The following SFMBT2 variants were observed in gnomAD, a reference collection of about 807,000 sequenced individuals.
The protein encoded by SFMBT2 is Scm like with four mbt domains 2, also known as scm-like with four MBT domains protein 2.
SFMBT2 carries 38 observed loss-of-function variants against 110.1 expected under a neutral mutation model. The observed-to-expected ratio is 0.35, with a 90% CI of 0.27 to 0.45. SFMBT2 has a LOEUF of 0.45. SFMBT2 is among the 20% of genes least tolerant of loss of function. The probability of loss-of-function intolerance (pLI) is 1.00; values close to 1 mark genes in which losing one functional copy is unlikely to be tolerated. For missense variants in SFMBT2, 1,011 were observed against 1,094.9 expected (o/e 0.92, Z 1.08); for synonymous variants, 425 against 425.4 (o/e 1.00, Z 0.01).
intron 9 of SFMBT2, chr10:7,241,242 A>T: frequency 1.3e-6 from 1 of 758,780 alleles, no homozygotes; most frequent in Non-Finnish European, 1.6e-6. Context: ...CTTCTCCTAT[A>T]TAAATTACCC....
At chr10:7,330,518 C>T (rs1843532218) in intron 4 of SFMBT2, among the ~76,000 whole-genome samples, 1 of 152,168 alleles carries the variant, frequency 6.6e-6, no homozygotes, top group Non-Finnish European at 1.5e-5. Flanking sequence ...GCAACCTTAG[C>T]ACAGGATGGC....
chr10:7,201,616 CA>C (rs1838962151), intron 13 of SFMBT2, among the ~76,000 whole-genome samples: 3 of 152,172 alleles, frequency 2.0e-5, no homozygotes, highest in Admixed American at 2.0e-4. Flanking sequence ...TCGACTACCG[CA>C]AGTGAAAAAT....
chr10:7,230,622 C>T (rs1588364809), intron 9 of SFMBT2, among the ~76,000 whole-genome samples: 2 of 152,134 alleles, frequency 1.3e-5, no homozygotes, highest in South Asian at 4.1e-4. Flanking sequence ...CTTTCCTCAT[C>T]TACAAATTCA....
At chr10:7,217,463 T>A (rs559076419) in intron 11 of SFMBT2, among the ~76,000 whole-genome samples, 1 of 152,132 alleles carries the variant, frequency 6.6e-6, no homozygotes, top group Admixed American at 6.5e-5. Context: ...CAGGTCTCAT[T>A]TGAAGTGCAT....
intron 11 of SFMBT2, among the ~76,000 whole-genome samples, chr10:7,212,736 A>C (rs1234994782): frequency 6.6e-6 from 1 of 152,246 alleles, no homozygotes; most frequent in East Asian, 1.9e-4. Flanking sequence ...AAGTTCACAC[A>C]TCCAGGAAGC....
intron 16 of SFMBT2, among the ~76,000 whole-genome samples, chr10:7,183,092 C>G (rs977678688): frequency 6.6e-6 from 1 of 152,060 alleles, no homozygotes. Flanking sequence ...ATAGAAAACT[C>G]TCTGGCAATA....
intron 16 of SFMBT2, among the ~76,000 whole-genome samples, chr10:7,180,910 T>C (rs1294828696): frequency 6.6e-6 from 1 of 152,070 alleles, no homozygotes; most frequent in Non-Finnish European, 1.5e-5. Flanking sequence ...GGATGAACCC[T>C]GGCATGCTGG....
chr10:7,219,899 A>G (rs1418201570), intron 11 of SFMBT2: 1 of 159,874 alleles, frequency 6.3e-6, no homozygotes, highest in Non-Finnish European at 1.3e-5. Flanking sequence ...AATACGCTAT[A>G]GCTATAAAGG....
At chr10:7,326,713 G>C (rs568417222) in intron 4 of SFMBT2, among the ~76,000 whole-genome samples, 1 of 152,270 alleles carries the variant, frequency 6.6e-6, no homozygotes, top group African/African-American at 2.4e-5. Flanking sequence ...GTGCACCTCT[G>C]ATTAGCCTCC....
At chr10:7,248,128 A>C (rs1298963918) in intron 8 of SFMBT2, among the ~76,000 whole-genome samples, 1 of 151,522 alleles carries the variant, frequency 6.6e-6, no homozygotes, top group African/African-American at 2.4e-5. Context: ...TTTAGTCAAC[A>C]AGGGCAGATG....
rs757269501 is a variant in SFMBT2, at chr10:7,370,401, A to G, written c.101-26T>C. On this transcript the variant is annotated intron_variant, in intron 2 of 20. Coordinates refer to ENST00000397167, the MANE Select transcript of SFMBT2 (RefSeq NM_001387889.1). ...CTGTTGAAAAACAAAAGAACAGAAT[A>G]TCAATACTGGAGTGGAGGACAGAAA... is the stretch of plus-strand genomic sequence containing the variant. The G allele has an allele frequency of 7.6e-6, 12 of 1,586,522 alleles. 1 individual carries two copies. Among genetic ancestry groups the G allele is most frequent in the Middle Eastern group, 3.3e-4 (2 of 6,002 alleles).
chr10:7,335,227 C>T lies in SFMBT2; in HGVS notation c.436+32422G>A, dbSNP rs1015867339. On this transcript the variant is annotated intron_variant, in intron 4 of 20. Coordinates refer to ENST00000397167, the MANE Select transcript of SFMBT2 (RefSeq NM_001387889.1). ...ACTCCGGCCCATGGTGATGGCTGCA[C>T]GACAACGTGAATATAATTAATGCCA... Among the ~76,000 whole-genome samples the T allele has an allele frequency of 2.6e-5, 4 of 152,242 alleles. No individual in the cohort carries two copies. The South Asian group carries it at 6.2e-4, about 24-fold the overall frequency.
At chr10:7,227,671 A>ACCAG (rs1486794126) in intron 10 of SFMBT2, among the ~76,000 whole-genome samples, 184 bp downstream of exon 10, 1 of 152,242 alleles carries the variant, frequency 6.6e-6, no homozygotes, top group Non-Finnish European at 1.5e-5. Context: ...GTTAGCACAG[A>ACCAG]CCAGCATCAC....
At chr10:7,300,098 T>C (rs183550880) in intron 4 of SFMBT2, among the ~76,000 whole-genome samples, 70 of 152,126 alleles carry the variant, frequency 4.6e-4, no homozygotes, top group Admixed American at 2.4e-3. Context: ...TTCTCACTCG[T>C]AAGTGGGAGT....
chr10:7,411,008 G>T lies in SFMBT2; in HGVS notation c.-199C>A, dbSNP rs377671313. Among the ~76,000 whole-genome samples, 51 of 148,088 alleles carry T rather than the reference G, an allele frequency of 3.4e-4. No individual in the cohort carries two copies. The highest frequency in any genetic ancestry group is 5.6e-4 in the Non-Finnish European group (38 of 67,400). ...CCTCGCGCGCCCGCTCCGGTCCTCCGGCTCCCACTACAGCTCATTCCAATA... is the reference window on the plus strand; with the variant it reads ...CCTCGCGCGCCCGCTCCGGTCCTCCTGCTCCCACTACAGCTCATTCCAATA... On this transcript the variant is annotated 5_prime_UTR_variant, in exon 1 of 21. Coordinates refer to ENST00000397167, the MANE Select transcript of SFMBT2 (RefSeq NM_001387889.1).
chr10:7,170,699 C>A lies in SFMBT2; in HGVS notation c.2544+229G>T, dbSNP rs992954678. 2.0e-5 allele frequency among the ~76,000 whole-genome samples: 3 copies of A among 152,108 alleles called. No individual in the cohort carries two copies. Among genetic ancestry groups the A allele is most frequent in the Middle Eastern group, 6.3e-3 (2 of 316 alleles). Reference sequence around the variant, plus strand: ...CTGGAAGAGTCACCCCTCCGCCCCCCACCATGGCACTGGTGGGGCCTGAGA... The same window carrying A: ...CTGGAAGAGTCACCCCTCCGCCCCCAACCATGGCACTGGTGGGGCCTGAGA... On this transcript the variant is annotated intron_variant, in intron 20 of 20. Coordinates refer to ENST00000397167, the MANE Select transcript of SFMBT2 (RefSeq NM_001387889.1). The surrounding 1 kb of genome is among the most constrained non-coding windows in gnomAD (Gnocchi z 4.6).
intron 11 of SFMBT2, chr10:7,206,471 G>A (rs1262582357): frequency 1.6e-5 from 16 of 985,250 alleles, no homozygotes; most frequent in Non-Finnish European, 1.8e-5. Context: ...AGCAGTGTAC[G>A]TGGACAAGGC....
chr10:7,251,719 C>T (rs1430335839), intron 7 of SFMBT2, among the ~76,000 whole-genome samples: 1 of 152,202 alleles, frequency 6.6e-6, no homozygotes, highest in Non-Finnish European at 1.5e-5. Context: ...ACTCCCGGCA[C>T]ATTCATAACT....
intron 1 of SFMBT2, among the ~76,000 whole-genome samples, chr10:7,410,173 C>G (rs1459942644): frequency 1.3e-5 from 2 of 152,222 alleles, no homozygotes; most frequent in African/African-American, 2.4e-5. Flanking sequence ...CAGGATATTA[C>G]TTTAAAGAGA....
Sources: gnomAD v4.1 joint callset for allele counts (sites outside exome capture counted in the v4.1 genomes callset) on GRCh38, gnomAD v4.1.1 for gene constraint, Gnocchi (gnomAD v3.1) non-coding constraint, MANE v1.5 for transcripts, NCBI Gene and HGNC (gene_info 2026-07-23, HGNC 2026-07-21) for gene names.